The following ERI1 variants were observed in gnomAD, a reference collection of about 807,000 sequenced individuals.
ERI1 encodes 3'-5' exoribonuclease 1.
ERI1 carries 39 observed loss-of-function variants against 39.7 expected under a neutral mutation model. That is an observed-to-expected ratio of 0.98 (90% CI 0.76 to 1.28). ERI1 has a LOEUF of 1.28. Ranked by LOEUF, ERI1 falls within the 50% of genes most tolerant of loss-of-function variation. The pLI is 0.00. For synonymous variants in ERI1, 204 were observed against 149.6 expected (o/e 1.36, Z -2.65); for missense variants, 581 against 416.9 (o/e 1.39, Z -3.43).
intron 1 of ERI1, chr8:9,004,313 A>G (rs901569735): frequency 7.2e-6 from 8 of 1,105,262 alleles, no homozygotes; most frequent in Non-Finnish European, 7.8e-6. Context: ...GGGTTTTAAA[A>G]TAAATTTCGA....
chr8:9,086,762 G>A (rs1436537249), intron 3 of ERI1, among the ~76,000 whole-genome samples: 2 of 152,172 alleles, frequency 1.3e-5, no homozygotes, highest in Non-Finnish European at 2.9e-5. Flanking sequence ...AGAATATTAT[G>A]TGGCCATTAA....
chr8:9,064,559 T>C (rs1798808896), intron 3 of ERI1, among the ~76,000 whole-genome samples: 1 of 152,004 alleles, frequency 6.6e-6, no homozygotes, highest in Admixed American at 6.6e-5. Flanking sequence ...AAGTGAGAGA[T>C]TGAAGGGTGG....
chr8:9,039,292 C>G (rs969604267), intron 3 of ERI1, among the ~76,000 whole-genome samples: 2 of 152,082 alleles, frequency 1.3e-5, no homozygotes, highest in Middle Eastern at 3.2e-3. Context: ...TTATATGTTT[C>G]GTCAAAACCT....
At chr8:9,053,658 A>T (rs1798424881) in intron 3 of ERI1, among the ~76,000 whole-genome samples, 1 of 152,220 alleles carries the variant, frequency 6.6e-6, no homozygotes, top group African/African-American at 2.4e-5. Flanking sequence ...GTAGAAGTGC[A>T]GGTAGCCTGG....
In ERI1 at chr8:9,010,642, T is replaced by A. The variant is rs10098596; in HGVS notation, c.288-900T>A. The stretch of plus-strand genomic sequence containing the variant: ...CACTACACATTAATTATAATTTAGA[T>A]CTTTTTATTTTTACTTCCATTTCAT... On this transcript the variant is annotated intron_variant, in intron 2 of 6. Coordinates refer to ENST00000250263, the MANE Select transcript of ERI1 (RefSeq NM_153332.4). Among the ~76,000 whole-genome samples the A allele has an allele frequency of 2.3e-3, 351 of 152,046 alleles. 1 individual carries two copies. Among genetic ancestry groups the A allele is most frequent in the African/African-American group, 8.1e-3 (335 of 41,296 alleles).
rs75684222 is a variant in ERI1, at chr8:9,080,507, G to A, written n.300-35841G>A. Among the ~76,000 whole-genome samples the A allele has an allele frequency of 1.2e-3, 179 of 152,318 alleles. 1 individual carries two copies. In the East Asian group the frequency reaches 0.033, roughly 28 times the overall value. On this transcript the variant is annotated intron_variant and non_coding_transcript_variant, in intron 3 of 3. Transcript: ENST00000518663. ...TGCCTAGAGGAGATGAGGCAGAGAG[G>A]CCCTGACACTTCTCCAGTTCCTGAG...
intron 3 of ERI1, among the ~76,000 whole-genome samples, chr8:9,015,529 T>C (rs1054824281): frequency 2.0e-5 from 3 of 151,850 alleles, no homozygotes; most frequent in African/African-American, 7.3e-5. Flanking sequence ...GAGACCATCC[T>C]GGCTAACATG....
chr8:9,047,597 G>A (rs1585258737), intron 3 of ERI1, among the ~76,000 whole-genome samples: 1 of 152,088 alleles, frequency 6.6e-6, no homozygotes, highest in African/African-American at 2.4e-5. Context: ...TACTCAGGAG[G>A]CTGAGGTGGG....
In ERI1 at chr8:9,025,996, C is replaced by T. The variant is rs114349827; in HGVS notation, c.808-3796C>T. Among the ~76,000 whole-genome samples, 624 of 152,224 alleles carry T rather than the reference C, an allele frequency of 4.1e-3. 4 individuals carry two copies. Among genetic ancestry groups the T allele is most frequent in the African/African-American group, 0.014 (590 of 41,524 alleles). On this transcript the variant is annotated intron_variant, in intron 6 of 6. Transcript: ENST00000250263. ...CATTAGAAAGCAGAACTGTCACTGT[C>T]TCAGCCACTGATATGGACAGTCTGG...
chr8:9,006,728 A>G (rs1585181965), intron 1 of ERI1, among the ~76,000 whole-genome samples: 1 of 152,106 alleles, frequency 6.6e-6, no homozygotes, highest in Non-Finnish European at 1.5e-5. Flanking sequence ...GCTGTTCTTT[A>G]ATTTATGGAC....
At position 9,011,765 on chromosome 8, in the gene ERI1, TTG is replaced by T; in HGVS notation, c.498+15_498+16del. 6.4e-7 allele frequency: 1 copy of T among 1,572,752 alleles called. No individual in the cohort carries two copies. Among genetic ancestry groups the T allele is most frequent in the Non-Finnish European group, 8.7e-7 (1 of 1,150,594 alleles). On this transcript the variant is annotated intron_variant, in intron 3 of 6. Transcript: ENST00000250263. ...TACTTTAGAAATAGTAAGTGAATTT[TTG>T]TATTTTAATTGTATTTCTAGCAGCA...
rs768073952 is a variant in ERI1 at position 9,030,043 on chromosome 8, T to C, written c.*9T>C. On this transcript the variant is annotated 3_prime_UTR_variant, in exon 7 of 7. Coordinates refer to ENST00000250263, the MANE Select transcript of ERI1 (RefSeq NM_153332.4). ...CACATTTTAGAAAGTAACAACAGTTTTGTGTGTGGATCATTCCAATTGAAG... is the reference window on the plus strand; with the variant it reads ...CACATTTTAGAAAGTAACAACAGTTCTGTGTGTGGATCATTCCAATTGAAG... 1.9e-6 allele frequency: 3 copies of C among 1,612,490 alleles called. No homozygotes were observed. In the South Asian group the frequency reaches 3.3e-5, roughly 18 times the overall value.
intron 6 of ERI1, among the ~76,000 whole-genome samples, chr8:9,020,827 C>A (rs1207982051): frequency 6.6e-6 from 1 of 150,524 alleles, no homozygotes; most frequent in South Asian, 2.1e-4. Flanking sequence ...GCAAGACTTA[C>A]AATGAATGGC....
chr8:9,018,610 A>G (rs1017330247), intron 5 of ERI1, among the ~76,000 whole-genome samples: 4 of 152,196 alleles, frequency 2.6e-5, no homozygotes. Flanking sequence ...CTAGAACACT[A>G]CAGAAAGTTA....
chr8:9,042,806 C>T (rs1376599491), intron 3 of ERI1, among the ~76,000 whole-genome samples: 1 of 152,158 alleles, frequency 6.6e-6, no homozygotes, highest in Non-Finnish European at 1.5e-5. Context: ...CAATATAATA[C>T]GGATATTCCA....
Position 9,029,943 on chromosome 8 carries a change from A to T in ERI1, c.959A>T (p.Glu320Val). ...LQDGCELRIN[E>V]KMHAGQLMSV... is the part of the protein sequence containing the mutation. ...GATGGGTGTGAACTCCGAATCAACG[A>T]GAAAATGCATGCAGGACAGCTAATG... The change falls in exon 7 of 7, where the codon GAG (glutamate) becomes GTG (valine). Residue 320 changes from glutamate (E) to valine (V), a missense_variant. Transcript: ENST00000250263. 4.3e-6 allele frequency: 7 copies of T among 1,614,186 alleles called. No homozygotes were observed. The South Asian group carries it at 7.7e-5, about 18-fold the overall frequency.
intron 3 of ERI1, among the ~76,000 whole-genome samples, chr8:9,097,790 G>T (rs891740058): frequency 6.6e-6 from 1 of 151,892 alleles, no homozygotes; most frequent in Admixed American, 6.6e-5. Flanking sequence ...AAAGAATGTG[G>T]ATTTTATTCT....
intron 3 of ERI1, among the ~76,000 whole-genome samples, chr8:9,079,389 T>C (rs1799305173): frequency 6.6e-6 from 1 of 152,216 alleles, no homozygotes; most frequent in South Asian, 2.1e-4. Flanking sequence ...CCTAAACAAA[T>C]GCATTGTTCT....
chr8:9,020,941 A>G (rs1054498133), intron 6 of ERI1, among the ~76,000 whole-genome samples: 15 of 152,068 alleles, frequency 9.9e-5, no homozygotes, highest in Admixed American at 3.3e-4. Context: ...TTTTTTTCAA[A>G]TATTTACCTT....
Sources: gnomAD v4.1 joint callset for allele counts (sites outside exome capture counted in the v4.1 genomes callset) on GRCh38, gnomAD v4.1.1 for gene constraint, MANE v1.5 for transcripts, NCBI Gene and HGNC (gene_info 2026-07-23, HGNC 2026-07-21) for gene names.